The following TENM2 variants were observed in gnomAD, a reference collection of about 807,000 sequenced individuals.
The protein encoded by TENM2 is teneurin transmembrane protein 2, also known as teneurin-2.
In TENM2, 52 loss-of-function variants were observed where a neutral mutation model predicts 245.2. That is an observed-to-expected ratio of 0.21 (90% CI 0.17 to 0.27). The LOEUF is 0.27. TENM2 is among the 10% of genes least tolerant of loss of function. The pLI, the probability that TENM2 is intolerant of heterozygous loss-of-function variation, is 1.00. For synonymous variants in TENM2, 1,363 were observed against 1,438.9 expected, an observed-to-expected ratio of 0.95 and a Z score of 1.19; for missense variants, 3,046 against 3,666.8, an observed-to-expected ratio of 0.83 and a Z score of 4.37.
intron 2 of TENM2, among the ~76,000 whole-genome samples, chr5:167,487,351 G>A (rs1768139551): frequency 6.6e-6 from 1 of 152,142 alleles, no homozygotes; most frequent in African/African-American, 2.4e-5. Context: ...ATGTGTGTGT[G>A]TGTATATGAG....
chr5:167,066,426 A>C, the TENM2 span, among the ~76,000 whole-genome samples: 1 of 152,062 alleles, frequency 6.6e-6, no homozygotes, highest in African/African-American at 2.4e-5. Flanking sequence ...ACATGTGCAC[A>C]ATGTGCAGGT....
chr5:167,999,544 GCTAGGTCTCCATCAC>G (rs1225947056), intron 5 of TENM2, among the ~76,000 whole-genome samples: 3 of 152,348 alleles, frequency 2.0e-5, no homozygotes, highest in African/African-American at 7.2e-5. Flanking sequence ...TCATTCATTA[GCTAGGTCTCCATCAC>G]CTAGCGGCCA....
At chr5:167,903,078 C>G (rs965992161) in intron 3 of TENM2, among the ~76,000 whole-genome samples, 2 of 152,150 alleles carry the variant, frequency 1.3e-5, no homozygotes, top group African/African-American at 4.8e-5. Flanking sequence ...CACTTTGTAC[C>G]CCATGAATAT....
intron 9 of TENM2, among the ~76,000 whole-genome samples, chr5:168,107,057 CAGAGAGAGAAAG>C (rs776091679): frequency 6.6e-6 from 1 of 151,962 alleles, no homozygotes; most frequent in Non-Finnish European, 1.5e-5. Flanking sequence ...GAGAAAGAGA[CAGAGAGAGAAAG>C]AGAGAGAGAA....
intron 1 of TENM2, among the ~76,000 whole-genome samples, chr5:167,360,365 G>T (rs1020390556): frequency 6.6e-6 from 1 of 152,102 alleles, no homozygotes. Context: ...CTTAGAACCA[G>T]GCTTAGCATT....
At chr5:167,143,941 A>G in the TENM2 span, among the ~76,000 whole-genome samples, 1 of 152,148 alleles carries the variant, frequency 6.6e-6, no homozygotes, top group East Asian at 1.9e-4. Context: ...ATTTTTAAAA[A>G]GAGCCATTGG....
chr5:167,923,398 G>T (rs1447007558), intron 3 of TENM2, among the ~76,000 whole-genome samples: 3 of 152,004 alleles, frequency 2.0e-5, no homozygotes, highest in African/African-American at 7.2e-5. Context: ...CACACCACCT[G>T]GTCTACCTGC....
chr5:168,061,242 A>G (rs1458981880), intron 6 of TENM2, among the ~76,000 whole-genome samples: 3 of 152,188 alleles, frequency 2.0e-5, no homozygotes, highest in Non-Finnish European at 4.4e-5. Context: ...GAGATAAGGA[A>G]AATGAAGCTC....
At chr5:168,198,927 G>A (rs780275048) in exon 16 of TENM2, 32 of 1,613,920 alleles carry the variant, frequency 2.0e-5, no homozygotes, top group East Asian at 2.2e-5. Context: ...AGCCAGGAGC[G>A]CACTGTGTGG....
At chr5:167,355,602 C>T (rs891478932) in intron 1 of TENM2, among the ~76,000 whole-genome samples, 7 of 152,096 alleles carry the variant, frequency 4.6e-5, no homozygotes, top group African/African-American at 1.7e-4. Context: ...TCATGAGCCG[C>T]GAGGGAGCAA....
chr5:167,546,326 A>G (rs557748662), intron 2 of TENM2, among the ~76,000 whole-genome samples: 6 of 152,280 alleles, frequency 3.9e-5, no homozygotes, highest in South Asian at 2.1e-4. Flanking sequence ...CTGACTTTCA[A>G]ATTATTCCTA....
In TENM2 at chr5:168,069,786, C is replaced by T. The variant is rs75601394; in HGVS notation, c.1515+7521C>T. 7.7e-3 allele frequency among the ~76,000 whole-genome samples: 1,177 copies of T among 152,150 alleles called. 22 individuals carry two copies. Among genetic ancestry groups the T allele is most frequent in the African/African-American group, 0.027 (1,107 of 41,522 alleles). On this transcript the variant is annotated intron_variant, in intron 7 of 28. Coordinates refer to ENST00000518659, the Ensembl canonical transcript of TENM2. ...AGTACAACGTAAACACAATAGTTTA[C>T]GGAGTAAAATTACACCTGCTGCCAA...
chr5:167,014,807 A>G, the TENM2 span, among the ~76,000 whole-genome samples: 1 of 152,176 alleles, frequency 6.6e-6, no homozygotes, highest in East Asian at 1.9e-4. Flanking sequence ...CCGGGGTGAA[A>G]CCAAACACTA....
Position 167,713,679 on chromosome 5 carries a change from CAT to C in TENM2, c.503-162304_503-162303del, listed in dbSNP as rs565086132. On this transcript the variant is annotated intron_variant, in intron 2 of 28. Coordinates refer to ENST00000518659, the Ensembl canonical transcript of TENM2. ...ATACATGCATACATGTGTTTATACA[CAT>C]ATGCACACAATTTGGTGAGCACACA... is the stretch of plus-strand genomic sequence containing the variant. 1.5e-3 allele frequency among the ~76,000 whole-genome samples: 231 copies of C among 152,292 alleles called. 1 individual carries two copies. The highest frequency in any genetic ancestry group is 5.2e-3 in the African/African-American group (218 of 41,568).
intron 13 of TENM2, among the ~76,000 whole-genome samples, chr5:168,166,730 T>G (rs1758340048): frequency 6.6e-6 from 1 of 152,140 alleles, no homozygotes; most frequent in Admixed American, 6.5e-5. Context: ...TTAACTTCTC[T>G]CCTATGCATC....
upstream of TENM2, among the ~76,000 whole-genome samples, chr5:167,280,026 A>C (rs116485445): frequency 2.3e-3 from 355 of 152,202 alleles, 1 homozygote; most frequent in African/African-American, 8.2e-3. Context: ...TAAACCTTCT[A>C]TTTTAGCTGA....
Position 168,076,489 on chromosome 5 carries a change from G to T in TENM2, c.1516-14085G>T, listed in dbSNP as rs1791489535. 2.0e-5 allele frequency among the ~76,000 whole-genome samples: 3 copies of T among 152,174 alleles called. No homozygotes were observed. The South Asian group carries it at 6.2e-4, about 32-fold the overall frequency. On this transcript the variant is annotated intron_variant, in intron 7 of 28. Coordinates refer to ENST00000518659, the Ensembl canonical transcript of TENM2. The stretch of plus-strand genomic sequence containing the variant: ...TCCACCCACCTCGGCTTCCCAAAGT[G>T]CTGGGATTACCGGCGTGAGCCACTA...
intron 4 of TENM2, among the ~76,000 whole-genome samples, chr5:167,983,573 A>G (rs531327400): frequency 1.3e-5 from 2 of 152,222 alleles, no homozygotes; most frequent in East Asian, 1.9e-4. Flanking sequence ...TTGAAAGCCT[A>G]TTTTTTTCCT....
At position 167,286,960 on chromosome 5, in the gene TENM2, C is replaced by A. The variant is rs114093536; in HGVS notation, c.226+1897C>A. On this transcript the variant is annotated intron_variant, in intron 1 of 28. Transcript: ENST00000518659. ...ATCAAACTCATAGCTTTGCAATTAA[C>A]AATTCACACATGCCGCATGTTGTTA... is the stretch of plus-strand genomic sequence containing the variant. Among the ~76,000 whole-genome samples, 1,206 of 152,302 alleles carry A rather than the reference C, an allele frequency of 7.9e-3. 17 individuals are homozygous for A. The highest frequency in any genetic ancestry group is 0.027 in the African/African-American group (1,139 of 41,558).
Sources: gnomAD v4.1 joint callset for allele counts (sites outside exome capture counted in the v4.1 genomes callset) on GRCh38, gnomAD v4.1.1 for gene constraint, MANE v1.5 for transcripts, NCBI Gene and HGNC (gene_info 2026-07-23, HGNC 2026-07-21) for gene names.